MARCHF1: variants seen among roughly 807,000 people sequenced by gnomAD.
The protein encoded by MARCHF1 is E3 ubiquitin-protein ligase MARCHF1.
MARCHF1 carries 40 observed loss-of-function variants against 54.2 expected under a neutral mutation model. The ratio of observed to expected loss-of-function variants is 0.74; its 90% CI spans 0.57 to 0.96. The LOEUF (loss-of-function observed/expected upper bound fraction) is 0.96. Among genes scored for constraint, MARCHF1 ranks in the 40% least tolerant of loss-of-function variants. The probability of loss-of-function intolerance (pLI) is 0.00; values close to 1 mark genes in which losing one functional copy is unlikely to be tolerated. For synonymous variants in MARCHF1, 236 were observed against 236.3 expected (o/e 1.00, Z 0.01); for missense variants, 586 against 656.5 (o/e 0.89, Z 1.17).
chr4:164,115,626 C>T (rs1376314605), intron 1 of MARCHF1, among the ~76,000 whole-genome samples: 1 of 151,644 alleles, frequency 6.6e-6, no homozygotes, highest in African/African-American at 2.4e-5. Flanking sequence ...TGAGTCAAGT[C>T]ATTTTGAATA....
At chr4:163,554,780 A>G (rs1018892054) in intron 8 of MARCHF1, among the ~76,000 whole-genome samples, 1 of 152,242 alleles carries the variant, frequency 6.6e-6, no homozygotes. Flanking sequence ...CAAAGCTACC[A>G]AATTATTTTT....
chr4:164,140,812 T>C (rs561200463), intron 1 of MARCHF1, among the ~76,000 whole-genome samples: 1 of 152,054 alleles, frequency 6.6e-6, no homozygotes, highest in African/African-American at 2.4e-5. Context: ...GAGTGACTCA[T>C]GCTACACCTA....
intron 2 of MARCHF1, among the ~76,000 whole-genome samples, chr4:164,037,981 G>T (rs1238555623): frequency 1.3e-5 from 2 of 152,150 alleles, no homozygotes. Flanking sequence ...AGGAGGAGAT[G>T]GTGGTGGGAA....
At chr4:164,102,552 A>G (rs1482968326) in intron 2 of MARCHF1, among the ~76,000 whole-genome samples, 4 of 150,808 alleles carry the variant, frequency 2.7e-5, no homozygotes, top group African/African-American at 9.7e-5. Flanking sequence ...TCCTTTACAG[A>G]CAAGCAAATG....
intron 2 of MARCHF1, among the ~76,000 whole-genome samples, chr4:164,061,237 A>T (rs918240886): frequency 4.4e-4 from 67 of 152,100 alleles, no homozygotes; most frequent in African/African-American, 1.6e-3. Context: ...CAGTTCAGAA[A>T]CTATTTTAAA....
chr4:164,237,608 TATTA>T (rs1732600652), intron 1 of MARCHF1, among the ~76,000 whole-genome samples: 1 of 152,076 alleles, frequency 6.6e-6, no homozygotes, highest in Non-Finnish European at 1.5e-5. Context: ...TAATTATCTT[TATTA>T]ATTGCAAAAC....
chr4:163,612,170 A>G, intron 7 of MARCHF1, 101 bp downstream of exon 7: 1 of 1,038,886 alleles, frequency 9.6e-7, no homozygotes, highest in Non-Finnish European at 1.3e-6. Context: ...AACAATGTAA[A>G]TAAATGTTAA....
At chr4:164,356,003 A>G (rs1483059227) in intron 1 of MARCHF1, among the ~76,000 whole-genome samples, 1 of 129,346 alleles carries the variant, frequency 7.7e-6, no homozygotes, top group Non-Finnish European at 1.8e-5. Flanking sequence ...CAGCCAAAAA[A>G]CACATGAAAA....
rs1664460006 is a variant in MARCHF1 at position 163,545,658 on chromosome 4, A to G, written c.1277T>C (p.Val426Ala). 1 of 1,613,952 alleles carries G rather than the reference A, an allele frequency of 6.2e-7. No homozygotes were observed. Among genetic ancestry groups the G allele is most frequent in the South Asian group, 1.1e-5 (1 of 91,074 alleles). The change falls in exon 9 of 10, where the codon GTT (valine) becomes GCT (alanine). Residue 426 changes from valine (V) to alanine (A), a missense_variant. This residue lies in a region of MARCHF1 where 93 missense variants were observed against 168.2 expected (regional missense o/e 0.55). Transcript: ENST00000514618. ...GTCTATCAATACATACAAAGACCAA[A>G]CCACACAGGTGATCGCGATTACGTG... ...TFHVIAITCVVWSLYVLIDRT... is the reference protein window; with the variant it reads ...TFHVIAITCVAWSLYVLIDRT...
chr4:164,348,721 G>A (rs72690051), intron 1 of MARCHF1, among the ~76,000 whole-genome samples: 2,979 of 152,210 alleles, frequency 0.02, 54 homozygotes, highest in Non-Finnish European at 0.032. Context: ...AAAGGAAACA[G>A]GAGACACTAT....
intron 2 of MARCHF1, among the ~76,000 whole-genome samples, chr4:163,996,605 CAACCTAAA>C (rs1490371218): frequency 1.3e-5 from 2 of 152,006 alleles, no homozygotes; most frequent in African/African-American, 4.8e-5. Flanking sequence ...AAATCTGATT[CAACCTAAA>C]AACGGCATCA....
intron 3 of MARCHF1, among the ~76,000 whole-genome samples, chr4:163,917,036 G>C (rs1263657359): frequency 1.3e-5 from 2 of 152,056 alleles, no homozygotes; most frequent in Non-Finnish European, 2.9e-5. Context: ...GACAACCACT[G>C]ATCCTTTTGC....
At chr4:164,066,192 T>C (rs1754726096) in intron 2 of MARCHF1, among the ~76,000 whole-genome samples, 1 of 150,790 alleles carries the variant, frequency 6.6e-6, no homozygotes, top group South Asian at 2.1e-4. Flanking sequence ...AAAAAAAAAC[T>C]CCATTAAAAA....
chr4:164,254,903 A>G (rs1733234961), intron 1 of MARCHF1, among the ~76,000 whole-genome samples: 1 of 152,198 alleles, frequency 6.6e-6, no homozygotes, highest in South Asian at 2.1e-4. Context: ...AGACACACCC[A>G]GGATTAATAC....
At chr4:163,813,240 T>C (rs1052266707) in intron 4 of MARCHF1, among the ~76,000 whole-genome samples, 14 of 152,208 alleles carry the variant, frequency 9.2e-5, no homozygotes, top group African/African-American at 3.4e-4. Flanking sequence ...ATAGAGGTAA[T>C]GGGTAGAGGA....
At chr4:163,994,740 TACACACACACACACACACAC>T (rs576243307) in intron 2 of MARCHF1, among the ~76,000 whole-genome samples, 161 of 119,246 alleles carry the variant, frequency 1.4e-3, no homozygotes, top group South Asian at 3.5e-3. Context: ...CAAGCACACA[TACACACACACACACACACAC>T]ACACACACAC....
rs75440234 is a variant in MARCHF1, at chr4:163,631,567, T to C, written c.163-18174A>G. 4.2e-3 allele frequency among the ~76,000 whole-genome samples: 646 copies of C among 152,234 alleles called. 2 individuals carry two copies. The highest frequency in any genetic ancestry group is 0.014 in the African/African-American group (584 of 41,552). On this transcript the variant is annotated intron_variant, in intron 5 of 9. Coordinates refer to ENST00000514618, the MANE Select transcript of MARCHF1 (RefSeq NM_001394959.1). ...GGAACAGTGCCAAAAAATAGTCAGA[T>C]AATTTAGAAAACCTATCTGTATACC...
chr4:163,883,210 C>T (rs1169862593), intron 3 of MARCHF1, among the ~76,000 whole-genome samples: 2 of 146,682 alleles, frequency 1.4e-5, no homozygotes, highest in Non-Finnish European at 3.0e-5. Context: ...TTATTTATAA[C>T]TATTTGAGAT....
intron 3 of MARCHF1, among the ~76,000 whole-genome samples, chr4:163,956,641 G>A (rs1023975673): frequency 6.6e-6 from 1 of 152,082 alleles, no homozygotes; most frequent in African/African-American, 2.4e-5. Context: ...ATTGTAATAT[G>A]AAGTGCAAAA....
Sources: gnomAD v4.1 joint callset for allele counts (sites outside exome capture counted in the v4.1 genomes callset) on GRCh38, gnomAD v4.1.1 for gene constraint, gnomAD v4.1.1 regional missense constraint, MANE v1.5 for transcripts, NCBI Gene and HGNC (gene_info 2026-07-23, HGNC 2026-07-21) for gene names.